The following PDS5B variants were observed in gnomAD, a reference collection of about 807,000 sequenced individuals.
PDS5B encodes the protein sister chromatid cohesion protein PDS5 homolog B.
PDS5B carries 51 observed loss-of-function variants against 184.1 expected under a neutral mutation model. The observed-to-expected ratio is 0.28, with a 90% CI of 0.22 to 0.35. The LOEUF (loss-of-function observed/expected upper bound fraction) is 0.35, where lower values mean the gene tolerates loss of function less well. Ranked by LOEUF, PDS5B falls within the 10% of genes least tolerant of loss-of-function variation. The pLI is 1.00. For synonymous variants in PDS5B, 566 were observed against 569.2 expected, an observed-to-expected ratio of 0.99 and a Z score of 0.08; for missense variants, 1,180 against 1,723.3, an observed-to-expected ratio of 0.68 and a Z score of 5.58.
intron 19 of PDS5B, among the ~76,000 whole-genome samples, chr13:32,729,000 A>G (rs988382718): frequency 1.3e-5 from 2 of 152,158 alleles, no homozygotes; most frequent in African/African-American, 4.8e-5. Flanking sequence ...ACATAGGTAT[A>G]CATGTGCCAT....
intron 6 of PDS5B, among the ~76,000 whole-genome samples, chr13:32,664,998 C>A (rs1174088918): frequency 6.6e-6 from 1 of 152,118 alleles, no homozygotes; most frequent in Non-Finnish European, 1.5e-5. Flanking sequence ...GGGACCTAAT[C>A]TTGACATTAT....
chr13:32,766,131 G>T (rs907099702), intron 31 of PDS5B, among the ~76,000 whole-genome samples: 5 of 152,128 alleles, frequency 3.3e-5, no homozygotes, highest in Non-Finnish European at 5.9e-5. Context: ...ATGAGAGCTG[G>T]TCACCACGTT....
At chr13:32,683,754 T>C in intron 10 of PDS5B, 124 bp from the exon 11 acceptor site, 1 of 590,986 alleles carries the variant, frequency 1.7e-6, no homozygotes, top group Non-Finnish European at 2.9e-6. Flanking sequence ...TCTGGGCTCT[T>C]AATTTTCTTG....
Position 32,770,458 on chromosome 13 carries a change from C to T in PDS5B, c.3962C>T (p.Pro1321Leu), listed in dbSNP as rs772372189. The change falls in exon 32 of 35, where the codon CCT becomes CTT. Residue 1321 changes from proline to leucine, a missense_variant. Pro to Leu is a moderately conservative substitution (Grantham distance 98, BLOSUM62 -3). This residue lies in a region of PDS5B where 465 missense variants were observed against 497.8 expected (regional missense o/e 0.93). Transcript: ENST00000315596. ...SKKGSKKKSG[P>L]PAPEEEEEEE... is the part of the protein sequence containing the mutation. ...AAAGGAAGCAAAAAAAAATCTGGACCTCCAGCACCAGAGGAGGAGGAAGAA... is the reference window on the plus strand; with the variant it reads ...AAAGGAAGCAAAAAAAAATCTGGACTTCCAGCACCAGAGGAGGAGGAAGAA... 2 of 1,612,942 alleles carry T rather than the reference C, an allele frequency of 1.2e-6. No homozygotes were observed. The highest frequency in any genetic ancestry group is 8.5e-7 in the Non-Finnish European group (1 of 1,179,780).
At chr13:32,636,412 C>G (rs1242607585) in intron 1 of PDS5B, among the ~76,000 whole-genome samples, 1 of 152,178 alleles carries the variant, frequency 6.6e-6, no homozygotes, top group Non-Finnish European at 1.5e-5. Context: ...TGTTACTAAA[C>G]TTGGCATGTA....
At chr13:32,669,404 A>G (rs556865529) in intron 7 of PDS5B, among the ~76,000 whole-genome samples, 2 of 152,188 alleles carry the variant, frequency 1.3e-5, no homozygotes, top group African/African-American at 4.8e-5. Context: ...GGGAAAATCA[A>G]TATTTGATTG....
intron 21 of PDS5B, among the ~76,000 whole-genome samples, chr13:32,735,875 G>A (rs961476330): frequency 3.9e-5 from 6 of 152,098 alleles, no homozygotes; most frequent in East Asian, 1.9e-4. Context: ...CATAATATAA[G>A]TAGTGATATC....
Position 32,648,791 on chromosome 13 carries a change from A to G in PDS5B, c.19A>G (p.Arg7Gly), listed in dbSNP as rs1950291237. 6.6e-7 allele frequency: 1 copy of G among 1,522,108 alleles called. No homozygotes were observed. Among genetic ancestry groups the G allele is most frequent in the Non-Finnish European group, 9.1e-7 (1 of 1,096,232 alleles). The allele number at this position is 1,522,108 out of a possible 1,614,324, so 94.3% of individuals were successfully genotyped here. The change falls in exon 2 of 35, where the codon AGG (arginine) becomes GGG (glycine). Residue 7 changes from arginine (R) to glycine (G), a missense_variant. By Grantham distance (125) the Arg-to-Gly change is moderately radical. Coordinates refer to ENST00000315596, the MANE Select transcript of PDS5B (RefSeq NM_015032.4). ...TTCTGTCATGGCTCATTCAAAGACT[A>G]GGACCAATGATGGAAAAATTACATA... MAHSKTRTNDGKITYPP... is the reference protein window; with the variant it reads MAHSKTGTNDGKITYPP...
At chr13:32,681,923 T>A (rs924246664) in intron 10 of PDS5B, among the ~76,000 whole-genome samples, 24 of 152,178 alleles carry the variant, frequency 1.6e-4, no homozygotes, top group Admixed American at 4.6e-4. Context: ...TTGCCCTATT[T>A]GTAATATACA....
rs189961523 is a variant in PDS5B at position 32,599,979 on chromosome 13, A to G, written c.-20+13386A>G. Among the ~76,000 whole-genome samples the G allele has an allele frequency of 8.8e-4, 134 of 152,262 alleles. 2 individuals carry two copies. The highest frequency in any genetic ancestry group is 3.2e-3 in the African/African-American group (133 of 41,558). ...TGTTTTTCCTCTTGAGATTCTGCTT[A>G]CACATTATTCTGTTTAAAATTGGTC... On this transcript the variant is annotated intron_variant, in intron 1 of 34. Coordinates refer to ENST00000315596, the MANE Select transcript of PDS5B (RefSeq NM_015032.4).
intron 1 of PDS5B, among the ~76,000 whole-genome samples, chr13:32,627,995 A>G (rs542384709): frequency 4.6e-5 from 7 of 152,358 alleles, no homozygotes; most frequent in South Asian, 2.1e-4. Flanking sequence ...GGCTCCTGCC[A>G]GAGTATATAA....
chr13:32,707,459 A>G (rs1457887991), intron 18 of PDS5B, among the ~76,000 whole-genome samples: 1 of 152,006 alleles, frequency 6.6e-6, no homozygotes, highest in African/African-American at 2.4e-5. Context: ...TTGATCATAC[A>G]TAAACATTAG....
At chr13:32,723,303 G>A (rs7996676) in intron 19 of PDS5B, among the ~76,000 whole-genome samples, 7,146 of 152,192 alleles carry the variant, frequency 0.047, 474 homozygotes, top group African/African-American at 0.15. Context: ...TCACCAAAAT[G>A]TTGACAGTAT....
intron 33 of PDS5B, among the ~76,000 whole-genome samples, chr13:32,772,178 G>T (rs976595505): frequency 2.0e-5 from 3 of 152,012 alleles, no homozygotes; most frequent in Non-Finnish European, 4.4e-5. Flanking sequence ...TGTTTGGTTC[G>T]AGCGTGAGTT....
At chr13:32,772,377 C>T (rs1185280254) in intron 33 of PDS5B, among the ~76,000 whole-genome samples, 1 of 152,054 alleles carries the variant, frequency 6.6e-6, no homozygotes, top group Non-Finnish European at 1.5e-5. Flanking sequence ...TTCATGGGCT[C>T]GTGGTTCTTG....
At chr13:32,705,389 G>T (rs1173541800) in intron 17 of PDS5B, among the ~76,000 whole-genome samples, 1 of 152,090 alleles carries the variant, frequency 6.6e-6, no homozygotes, top group African/African-American at 2.4e-5. Context: ...TAGGGAAAAT[G>T]AGCAGAAAAA....
At position 32,648,478 on chromosome 13, in the gene PDS5B, C is replaced by G. The variant is rs2301388; in HGVS notation, c.-19-276C>G. On this transcript the variant is annotated intron_variant, in intron 1 of 34. Transcript: ENST00000315596. ...TAAAAAGTATTTATTTTTTATTTTT[C>G]TCTAGCTTACTATTATTATTATTAT... Among the ~76,000 whole-genome samples, 58,073 of 151,800 alleles carry G rather than the reference C, an allele frequency of 0.38. 11,558 individuals carry two copies. Among genetic ancestry groups the G allele is most frequent in the Non-Finnish European group, 0.44 (30,138 of 67,918 alleles).
intron 3 of PDS5B, among the ~76,000 whole-genome samples, chr13:32,652,989 A>G (rs915608109): frequency 4.6e-5 from 7 of 152,164 alleles, no homozygotes; most frequent in Non-Finnish European, 1.5e-5. Flanking sequence ...GTAGGAATTA[A>G]AAACAGCAAC....
intron 25 of PDS5B, among the ~76,000 whole-genome samples, chr13:32,754,867 T>G (rs1382070423): frequency 6.6e-6 from 1 of 152,192 alleles, no homozygotes; most frequent in African/African-American, 2.4e-5. Context: ...CTGTCTCTGA[T>G]TATGCTTTAG....
Sources: allele counts gnomAD v4.1 joint callset (sites outside exome capture counted in the v4.1 genomes callset), GRCh38; gene constraint gnomAD v4.1.1; regional missense constraint gnomAD v4.1.1; transcripts MANE v1.5; gene names NCBI Gene and HGNC (gene_info 2026-07-23, HGNC 2026-07-21).